The following ZNF730 variants were observed in gnomAD, a reference collection of about 807,000 sequenced individuals.
ZNF730 encodes putative zinc finger protein 730.
A neutral mutation model predicts 12.6 loss-of-function variants in ZNF730; 12 were observed. That is an observed-to-expected ratio of 0.95 (90% CI 0.61 to 1.54). The LOEUF (loss-of-function observed/expected upper bound fraction) is 1.54. Among genes scored for constraint, ZNF730 ranks in the 40% most tolerant of loss-of-function variants. The pLI is 0.00. For synonymous variants in ZNF730, 194 were observed against 195.8 expected (o/e 0.99, Z 0.08); for missense variants, 643 against 583.5 (o/e 1.10, Z -1.05).
At chr19:23,115,890 T>C (rs1291447981), upstream of ZNF730, among the ~76,000 whole-genome samples, 1 of 152,246 alleles carries the variant, frequency 6.6e-6, no homozygotes, top group African/African-American at 2.4e-5. Flanking sequence ...ATGCACCCAG[T>C]GCAGATAGGT....
intron 1 of ZNF730, among the ~76,000 whole-genome samples, chr19:23,090,411 G>A (rs1970137420): frequency 6.6e-6 from 1 of 152,110 alleles, no homozygotes; most frequent in Non-Finnish European, 1.5e-5. Context: ...TAAGGTATCT[G>A]GTGGAAGAAA....
chr19:23,146,508 C>A lies in ZNF730; in HGVS notation c.1464C>A (p.Ala488=), dbSNP rs1971015895. 1 of 1,591,050 alleles carries A rather than the reference C, an allele frequency of 6.3e-7. No homozygotes were observed. Among genetic ancestry groups the A allele is most frequent in the Non-Finnish European group, 8.5e-7 (1 of 1,170,958 alleles). ...ACAAATGTAAAGAATGTGGTAAAGC[C>A]TTTAGGCGGTTCTCACACCTTACTA... ...KIYKCKECGK[A]FRRFSHLTRH... Residue 488 remains alanine, a synonymous_variant, in exon 4 of 4, where the codon GCC becomes GCA. Coordinates refer to ENST00000597761, the MANE Select transcript of ZNF730 (RefSeq NM_001277403.2).
intron 1 of ZNF730, among the ~76,000 whole-genome samples, chr19:23,118,334 G>A (rs78288480): frequency 6.7e-6 from 1 of 149,234 alleles, no homozygotes; most frequent in African/African-American, 2.5e-5. Context: ...CAGAGATCTT[G>A]TGAAAGTGTT....
chr19:23,102,301 CAT>C (rs941014472), intron 1 of ZNF730, among the ~76,000 whole-genome samples: 7 of 152,136 alleles, frequency 4.6e-5, no homozygotes, highest in Non-Finnish European at 7.4e-5. Context: ...AAGGCTGTAA[CAT>C]ATTCCTGGTT....
chr19:23,123,646 T>A (rs548238208), intron 1 of ZNF730: 1 of 11,160 alleles, frequency 9.0e-5, no homozygotes, highest in South Asian at 0.012. Flanking sequence ...ATAATGCTCA[T>A]GTTTCTCATG....
At chr19:23,137,935 G>C (rs922393342) in intron 3 of ZNF730, among the ~76,000 whole-genome samples, 1 of 152,164 alleles carries the variant, frequency 6.6e-6, no homozygotes, top group Admixed American at 6.5e-5. Flanking sequence ...ACTAGGGCAG[G>C]TTTCTGCAAT....
At chr19:23,115,962 CTAA>C (rs1294608364), upstream of ZNF730, among the ~76,000 whole-genome samples, 2 of 152,194 alleles carry the variant, frequency 1.3e-5, no homozygotes, top group East Asian at 3.9e-4. Context: ...CATAAAGGTA[CTAA>C]TATTTTCCCC....
At chr19:23,106,902 CTTG>C (rs759987294) in intron 1 of ZNF730, among the ~76,000 whole-genome samples, 7 of 151,382 alleles carry the variant, frequency 4.6e-5, no homozygotes, top group Admixed American at 6.6e-5. Context: ...AAACTGTATT[CTTG>C]TTGTTTTTTC....
chr19:23,138,879 AT>A (rs141818923), intron 3 of ZNF730, among the ~76,000 whole-genome samples: 1 of 151,838 alleles, frequency 6.6e-6, no homozygotes, highest in African/African-American at 2.4e-5. Flanking sequence ...TCATAAAGGC[AT>A]TTTTTTTCAG....
At chr19:23,083,423 CAAAG>C (rs1298683885) in intron 1 of ZNF730, among the ~76,000 whole-genome samples, 1 of 152,042 alleles carries the variant, frequency 6.6e-6, no homozygotes, top group Non-Finnish European at 1.5e-5. Flanking sequence ...GACTCCATCT[CAAAG>C]AAAGAAAGAA....
At chr19:23,103,806 A>G (rs141847269) in intron 1 of ZNF730, among the ~76,000 whole-genome samples, 4 of 152,336 alleles carry the variant, frequency 2.6e-5, no homozygotes, top group African/African-American at 9.6e-5. Context: ...ATGTTAAGTT[A>G]TTGTAAACCA....
chr19:23,136,708 G>A (rs771216293), intron 3 of ZNF730, among the ~76,000 whole-genome samples: 1 of 150,106 alleles, frequency 6.7e-6, no homozygotes, highest in Non-Finnish European at 1.5e-5. Context: ...AATATAGTTT[G>A]AAATTATACA....
chr19:23,080,129 A>G (rs1316432560), intron 1 of ZNF730, among the ~76,000 whole-genome samples: 3 of 151,996 alleles, frequency 2.0e-5, no homozygotes, highest in Non-Finnish European at 4.4e-5. Flanking sequence ...TATTTTTAGT[A>G]GAGACAGAGT....
chr19:23,146,079 T>C lies in ZNF730; in HGVS notation c.1035T>C (p.Cys345=), dbSNP rs1042535804. 1.9e-6 allele frequency: 3 copies of C among 1,612,336 alleles called. No homozygotes were observed. Among genetic ancestry groups the C allele is most frequent in the Non-Finnish European group, 2.5e-6 (3 of 1,179,572 alleles). Reference sequence around the variant, plus strand: ...AAAAACCCTACAAATGTGAAGAATGTGGCAAAGCTTTTAACCGATCCTCAA... The same window carrying C: ...AAAAACCCTACAAATGTGAAGAATGCGGCAAAGCTTTTAACCGATCCTCAA... ...NGEKPYKCEE[C]GKAFNRSSTL... is the part of the protein sequence containing the mutation. Residue 345 remains cysteine (C), a synonymous_variant, in exon 4 of 4, where the codon TGT becomes TGC. Coordinates refer to ENST00000597761, the MANE Select transcript of ZNF730 (RefSeq NM_001277403.2).
intron 1 of ZNF730, chr19:23,126,878 C>T (rs1465907093): frequency 3.8e-6 from 2 of 531,558 alleles, no homozygotes; most frequent in African/African-American, 3.9e-5. Flanking sequence ...ACAGGAGATC[C>T]TTAGCAGCTT....
At chr19:23,097,955 A>T (rs935427442) in intron 1 of ZNF730, among the ~76,000 whole-genome samples, 2 of 152,160 alleles carry the variant, frequency 1.3e-5, no homozygotes, top group African/African-American at 4.8e-5. Context: ...CCTGGCCAAC[A>T]TGGCAAAACG....
intron 3 of ZNF730, among the ~76,000 whole-genome samples, chr19:23,139,780 C>A (rs1970887278): frequency 6.6e-6 from 1 of 152,156 alleles, no homozygotes. Flanking sequence ...ACACCTCAGC[C>A]TCCCAAAGTG....
At chr19:23,104,154 A>C (rs1970365156) in intron 1 of ZNF730, among the ~76,000 whole-genome samples, 1 of 152,148 alleles carries the variant, frequency 6.6e-6, no homozygotes, top group East Asian at 1.9e-4. Context: ...AAAAATACAA[A>C]AAATTAGCAT....
chr19:23,091,171 C>G (rs964694677), intron 1 of ZNF730, among the ~76,000 whole-genome samples: 9 of 152,264 alleles, frequency 5.9e-5, no homozygotes, highest in African/African-American at 2.2e-4. Context: ...AGCCTCAAGC[C>G]TTGGTAGCTT....
Sources: gnomAD v4.1 joint callset for allele counts (sites outside exome capture counted in the v4.1 genomes callset) on GRCh38, gnomAD v4.1.1 for gene constraint, MANE v1.5 for transcripts, NCBI Gene and HGNC (gene_info 2026-07-23, HGNC 2026-07-21) for gene names.